Variants in SDK1 observed in about 807,000 individuals in gnomAD.
SDK1 encodes the protein protein sidekick-1.
Under a neutral mutation model 245.5 loss-of-function variants are expected in SDK1, and 157 were observed. The ratio of observed to expected loss-of-function variants is 0.64; its 90% confidence interval spans 0.56 to 0.73. The LOEUF (loss-of-function observed/expected upper bound fraction) is 0.73, where lower values mean the gene tolerates loss of function less well. Among genes scored for constraint, SDK1 ranks in the 30% least tolerant of loss-of-function variants. The pLI, the probability that SDK1 is intolerant of heterozygous loss-of-function variation, is 0.00. For synonymous variants in SDK1, 1,647 were observed against 1,278.5 expected, an observed-to-expected ratio of 1.29 and a Z score of -6.15; for missense variants, 3,583 against 3,002.3, an observed-to-expected ratio of 1.19 and a Z score of -4.52.
chr7:4,163,448 G>C (rs113031622), intron 32 of SDK1, among the ~76,000 whole-genome samples: 10 of 152,322 alleles, frequency 6.6e-5, no homozygotes, highest in African/African-American at 1.7e-4. Context: ...TGCAGGGGAG[G>C]CAGGAAGGGG....
intron 32 of SDK1, among the ~76,000 whole-genome samples, chr7:4,168,451 G>C (rs538345695): frequency 6.6e-6 from 1 of 152,134 alleles, no homozygotes; most frequent in Non-Finnish European, 1.5e-5. Flanking sequence ...AGTAATCTTC[G>C]GCCCCTTCCC....
intron 5 of SDK1, among the ~76,000 whole-genome samples, chr7:3,856,202 A>C (rs1056385466): frequency 3.3e-5 from 5 of 152,142 alleles, no homozygotes; most frequent in Non-Finnish European, 7.4e-5. Context: ...AGGAAAAAGT[A>C]AGTTTCTGTA....
At chr7:4,069,030 A>G (rs990035921) in intron 20 of SDK1, among the ~76,000 whole-genome samples, 2 of 152,134 alleles carry the variant, frequency 1.3e-5, no homozygotes, top group African/African-American at 4.8e-5. Flanking sequence ...CCAAATTTTT[A>G]TAATGTCTCT....
At chr7:3,529,688 G>A (rs1783275348) in intron 1 of SDK1, among the ~76,000 whole-genome samples, 2 of 152,118 alleles carry the variant, frequency 1.3e-5, no homozygotes, top group Admixed American at 6.6e-5. Flanking sequence ...ACTAACGTTG[G>A]TGTGAGGATG....
At chr7:3,570,189 G>C (rs10226719) in intron 1 of SDK1, among the ~76,000 whole-genome samples, 30,806 of 152,050 alleles carry the variant, frequency 0.2, 3,342 homozygotes, top group South Asian at 0.37. Context: ...CATCAGGACT[G>C]GTTTCATGGA....
chr7:3,710,687 G>T (rs1486376065), intron 4 of SDK1, among the ~76,000 whole-genome samples: 3 of 152,178 alleles, frequency 2.0e-5, no homozygotes, highest in African/African-American at 7.2e-5. Flanking sequence ...CCACAGTTGT[G>T]TTATCACTTG....
chr7:3,474,007 C>A (rs1781264715), intron 1 of SDK1, among the ~76,000 whole-genome samples: 1 of 149,740 alleles, frequency 6.7e-6, no homozygotes, highest in African/African-American at 2.5e-5. Flanking sequence ...CCACCTTTAA[C>A]CTGTAAAATG....
intron 5 of SDK1, among the ~76,000 whole-genome samples, chr7:3,899,815 C>T (rs1039462552): frequency 9.2e-5 from 14 of 152,216 alleles, no homozygotes; most frequent in African/African-American, 2.4e-4. Context: ...CTATAGGGGG[C>T]GTTACCAGGC....
intron 14 of SDK1, among the ~76,000 whole-genome samples, chr7:3,997,749 G>A (rs556858039): frequency 6.6e-6 from 1 of 152,154 alleles, no homozygotes; most frequent in South Asian, 2.1e-4. Flanking sequence ...CCAGCCAGGG[G>A]GACTGGCAGC....
chr7:3,540,147 C>T (rs569216569), intron 1 of SDK1, among the ~76,000 whole-genome samples: 9 of 152,314 alleles, frequency 5.9e-5, no homozygotes, highest in South Asian at 2.1e-4. Flanking sequence ...TGGCTGACGC[C>T]GGTAATCCTA....
At chr7:3,373,722 A>G (rs1410381323) in intron 1 of SDK1, among the ~76,000 whole-genome samples, 1 of 152,166 alleles carries the variant, frequency 6.6e-6, no homozygotes, top group Non-Finnish European at 1.5e-5. Context: ...TTATTTGAAG[A>G]TATTATATGA....
At chr7:3,761,832 C>G (rs1257640733) in intron 4 of SDK1, among the ~76,000 whole-genome samples, 1 of 152,084 alleles carries the variant, frequency 6.6e-6, no homozygotes, top group East Asian at 1.9e-4. Flanking sequence ...TATGTAAAAG[C>G]AAGTATGAAG....
intron 1 of SDK1, among the ~76,000 whole-genome samples, chr7:3,567,642 C>T (rs1459297212): frequency 1.3e-5 from 2 of 152,092 alleles, no homozygotes. Flanking sequence ...TGTTTTAATT[C>T]TTCGTTTGTA....
At chr7:4,180,758 C>T (rs771382237) in intron 35 of SDK1, among the ~76,000 whole-genome samples, 6 of 152,186 alleles carry the variant, frequency 3.9e-5, no homozygotes, top group Non-Finnish European at 8.8e-5. Flanking sequence ...GCATCCCACA[C>T]GGCACAAACA....
At chr7:4,184,469 G>C (rs1782768355) in intron 35 of SDK1, among the ~76,000 whole-genome samples, 1 of 152,154 alleles carries the variant, frequency 6.6e-6, no homozygotes, top group South Asian at 2.1e-4. Flanking sequence ...TGAGTGTCCA[G>C]AATGTACCTG....
chr7:3,359,973 CAAAG>C (rs774162492), intron 1 of SDK1, among the ~76,000 whole-genome samples: 3 of 152,324 alleles, frequency 2.0e-5, no homozygotes, highest in East Asian at 1.9e-4. Flanking sequence ...GACACACTCA[CAAAG>C]AAAGTTTGTA....
chr7:3,936,746 A>G (rs1284608072), intron 5 of SDK1, among the ~76,000 whole-genome samples: 1 of 152,242 alleles, frequency 6.6e-6, no homozygotes, highest in East Asian at 1.9e-4. Flanking sequence ...ATACCAAAGT[A>G]CAAAGAGGAA....
chr7:4,005,391 T>TGA (rs1243577310), intron 14 of SDK1, among the ~76,000 whole-genome samples: 60 of 120,632 alleles, frequency 5.0e-4, no homozygotes, highest in African/African-American at 1.8e-3. Context: ...TTTTCTTATG[T>TGA]GAGTGTGTGT....
chr7:3,487,781 A>G (rs913763471), intron 1 of SDK1, among the ~76,000 whole-genome samples: 2 of 150,784 alleles, frequency 1.3e-5, no homozygotes, highest in Admixed American at 1.3e-4. Context: ...AAAAAAGAAA[A>G]GGAATTACAG....
Sources: gnomAD v4.1 joint callset for allele counts (sites outside exome capture counted in the v4.1 genomes callset) on GRCh38, gnomAD v4.1.1 for gene constraint, MANE v1.5 for transcripts, NCBI Gene and HGNC (gene_info 2026-07-23, HGNC 2026-07-21) for gene names.